The following VIPR2 variants were observed in gnomAD, a reference collection of about 807,000 sequenced individuals.
VIPR2 encodes vasoactive intestinal polypeptide receptor 2.
VIPR2 carries 48 observed loss-of-function variants against 58.0 expected under a neutral mutation model. The ratio of observed to expected loss-of-function variants is 0.83; its 90% confidence interval spans 0.66 to 1.05. The LOEUF (loss-of-function observed/expected upper bound fraction) is 1.05. VIPR2 is among the 50% of genes least tolerant of loss of function. The pLI is 0.00. For missense variants in VIPR2, 534 were observed against 558.0 expected (o/e 0.96, Z 0.43); for synonymous variants, 243 against 235.2 (o/e 1.03, Z -0.30).
At chr7:159,094,740 CTTATT>C (rs1857729722) in intron 4 of VIPR2, among the ~76,000 whole-genome samples, 1 of 152,194 alleles carries the variant, frequency 6.6e-6, no homozygotes, top group African/African-American at 2.4e-5. Context: ...TGCCACACAC[CTTATT>C]TTAAGCCACG....
At chr7:159,066,792 C>T (rs775621261) in intron 4 of VIPR2, among the ~76,000 whole-genome samples, 1 of 152,204 alleles carries the variant, frequency 6.6e-6, no homozygotes, top group Non-Finnish European at 1.5e-5. Context: ...CTGATAAATA[C>T]TTAGCAAGAA....
intron 4 of VIPR2, among the ~76,000 whole-genome samples, chr7:159,069,309 G>C (rs73730140): frequency 0.03 from 4,631 of 152,204 alleles, 116 homozygotes; most frequent in African/African-American, 0.059. Context: ...TGCTGGCTGG[G>C]GACCCTGCCA....
intron 10 of VIPR2, 33 bp from the exon 11 acceptor site, chr7:159,032,100 T>TGGACCCTC (rs758842314): frequency 2.5e-6 from 4 of 1,612,886 alleles, no homozygotes; most frequent in South Asian, 2.2e-5. Flanking sequence ...GCTCAGCTGC[T>TGGACCCTC]GGACCCTCGG....
chr7:159,112,454 C>T (rs758497481), intron 2 of VIPR2, among the ~76,000 whole-genome samples: 2 of 152,260 alleles, frequency 1.3e-5, no homozygotes, highest in Admixed American at 1.3e-4. Context: ...AGGAGTTTCT[C>T]TCTCAGCTTC....
chr7:159,124,311 T>C (rs975529147), intron 2 of VIPR2, among the ~76,000 whole-genome samples: 6 of 152,202 alleles, frequency 3.9e-5, no homozygotes, highest in African/African-American at 1.2e-4. Context: ...CCATCTTGAG[T>C]TGATTTTTGT....
intron 12 of VIPR2, 21 bp from the exon 13 acceptor site, chr7:159,030,810 G>T: frequency 6.5e-7 from 1 of 1,543,376 alleles, no homozygotes; most frequent in Non-Finnish European, 8.8e-7. Context: ...AGGGCAGCGG[G>T]AACGCCCGTG....
At chr7:159,091,728 A>G (rs1857518269) in intron 4 of VIPR2, among the ~76,000 whole-genome samples, 1 of 152,094 alleles carries the variant, frequency 6.6e-6, no homozygotes, top group South Asian at 2.1e-4. Flanking sequence ...AGGAGGCTGG[A>G]ATACTCAGAG....
chr7:159,038,017 T>G (rs1191419446), intron 6 of VIPR2, among the ~76,000 whole-genome samples: 1 of 152,218 alleles, frequency 6.6e-6, no homozygotes, highest in African/African-American at 2.4e-5. Flanking sequence ...CAGATGGCTA[T>G]CCCTATAAAT....
intron 4 of VIPR2, among the ~76,000 whole-genome samples, chr7:159,064,776 C>T (rs993162090): frequency 6.6e-6 from 1 of 152,198 alleles, no homozygotes; most frequent in African/African-American, 2.4e-5. Context: ...GACCCGGGGC[C>T]GCCTGTGCAC....
Position 159,098,109 on chromosome 7 carries a change from G to A in VIPR2, c.357+5648C>T, listed in dbSNP as rs994887065. ...CACCAGCCCGGCCACTGCCGCTCCC[G>A]TCCTCTGCCTGAGCTGTTCTGTTTT... On this transcript the variant is annotated intron_variant, in intron 4 of 12. Transcript: ENST00000262178. This position sits in a 1 kb window ranked among gnomAD's most constrained non-coding sequence, Gnocchi z 5.2. 6.6e-6 allele frequency among the ~76,000 whole-genome samples: 1 copy of A among 152,170 alleles called. No homozygotes were observed. Among genetic ancestry groups the A allele is most frequent in the Non-Finnish European group, 1.5e-5 (1 of 68,032 alleles).
rs2129493391 is a variant in VIPR2 at position 159,041,889 on chromosome 7, T to C, written c.597+1146A>G. Among the ~76,000 whole-genome samples the C allele has an allele frequency of 1.3e-5, 2 of 152,228 alleles. 1 individual carries two copies. The highest frequency in any genetic ancestry group is 4.2e-4 in the South Asian group (2 of 4,806). Reference sequence around the variant, plus strand: ...TCCGACACCATCCTCACACTTCTTATGGGCGTTGACCACTGTTACACATGT... The same window carrying C: ...TCCGACACCATCCTCACACTTCTTACGGGCGTTGACCACTGTTACACATGT... On this transcript the variant is annotated intron_variant, in intron 6 of 12. Transcript: ENST00000262178.
At chr7:159,042,547 G>A (rs1462720132) in intron 6 of VIPR2, among the ~76,000 whole-genome samples, 1 of 152,176 alleles carries the variant, frequency 6.6e-6, no homozygotes, top group African/African-American at 2.4e-5. Flanking sequence ...GTTGGACGCA[G>A]ATATTCATAG....
At chr7:159,112,679 C>T (rs1339430477) in intron 2 of VIPR2, among the ~76,000 whole-genome samples, 1 of 149,238 alleles carries the variant, frequency 6.7e-6, no homozygotes, top group Non-Finnish European at 1.5e-5. Flanking sequence ...GAGGAGGCGG[C>T]TCACGGCGCC....
chr7:159,055,848 G>A (rs1005798325), intron 5 of VIPR2, among the ~76,000 whole-genome samples: 5 of 152,170 alleles, frequency 3.3e-5, no homozygotes, highest in East Asian at 1.9e-4. Flanking sequence ...CTCACTGCTC[G>A]TTTTAAATTT....
intron 5 of VIPR2, among the ~76,000 whole-genome samples, chr7:159,056,302 C>T (rs1184876166): frequency 5.3e-5 from 8 of 151,848 alleles, no homozygotes; most frequent in African/African-American, 1.9e-4. Flanking sequence ...CTTCAGGACC[C>T]GTGGATATAT....
rs528415411 is a variant in VIPR2, at chr7:159,128,092, C to T, written c.151+14354G>A. The stretch of plus-strand genomic sequence containing the variant: ...CGGCAGGAATGGAGCCAGGTGAGGA[C>T]ACCTGGTAGTGGTCTCTCCTTCAGG... On this transcript the variant is annotated intron_variant, in intron 2 of 12. Coordinates refer to ENST00000262178, the MANE Select transcript of VIPR2 (RefSeq NM_003382.5). The surrounding 1 kb of genome is among the most constrained non-coding windows in gnomAD (Gnocchi z 4.1). Among the ~76,000 whole-genome samples, 1 of 152,276 alleles carries T rather than the reference C, an allele frequency of 6.6e-6. No individual in the cohort carries two copies. The highest frequency in any genetic ancestry group is 1.9e-4 in the East Asian group (1 of 5,174).
Position 159,038,204 on chromosome 7 carries a change from TGCCCCGACCTCCCCTGAGCCCTGCAGGCG to T in VIPR2, c.598-1331_598-1303del, listed in dbSNP as rs1219054021. Among the ~76,000 whole-genome samples, 36 of 151,922 alleles carry T rather than the reference TGCCCCGACCTCCCCTGAGCCCTGCAGGCG, an allele frequency of 2.4e-4. No homozygotes were observed. In the East Asian group the frequency reaches 5.8e-3, roughly 25 times the overall value. On this transcript the variant is annotated intron_variant, in intron 6 of 12. Transcript: ENST00000262178. ...CTGGCCTCCCCTGAGCCCTGCAGGC[TGCCCCGACCTCCCCTGAGCCCTGCAGGCG>T]GCCCCGACCTCCCCAGTGCTCTGGA... is the stretch of plus-strand genomic sequence containing the variant.
intron 4 of VIPR2, among the ~76,000 whole-genome samples, chr7:159,062,492 G>C (rs2540344): frequency 0.91 from 139,065 of 152,106 alleles, 63,623 homozygotes; most frequent in East Asian, 1. Context: ...AGACCTTCAC[G>C]GTGAGTGTTA....
chr7:159,047,243 TCAAA>T (rs1239307275), intron 5 of VIPR2, among the ~76,000 whole-genome samples: 4 of 152,132 alleles, frequency 2.6e-5, no homozygotes, highest in South Asian at 2.1e-4. Flanking sequence ...AAACTTTGTC[TCAAA>T]CAAACAAACA....
Sources: allele counts gnomAD v4.1 joint callset (sites outside exome capture counted in the v4.1 genomes callset), GRCh38; gene constraint gnomAD v4.1.1; non-coding constraint Gnocchi (gnomAD v3.1); transcripts MANE v1.5; gene names NCBI Gene and HGNC (gene_info 2026-07-23, HGNC 2026-07-21).